Variants in ACTG2 observed in about 807,000 individuals in gnomAD.
The protein encoded by ACTG2 is actin, gamma-enteric smooth muscle.
In ACTG2, 16 loss-of-function variants were observed where a neutral mutation model predicts 37.6. That is an observed-to-expected ratio of 0.43 (90% CI 0.29 to 0.65). The LOEUF (loss-of-function observed/expected upper bound fraction) is 0.65, where lower values mean the gene tolerates loss of function less well. ACTG2 is among the 30% of genes least tolerant of loss of function. The pLI, the probability that ACTG2 is intolerant of heterozygous loss-of-function variation, is 0.18. For synonymous variants in ACTG2, 181 were observed against 179.9 expected (o/e 1.01, Z -0.05); for missense variants, 238 against 490.9 (o/e 0.48, Z 4.87).
chr2:73,908,498 GA>G, intron 3 of ACTG2, 174 bp from the exon 4 acceptor site: 1 of 649,700 alleles, frequency 1.5e-6, no homozygotes, highest in Non-Finnish European at 2.8e-6. Flanking sequence ...GCCCTGTTGA[GA>G]AGGAGTATAC....
intron 3 of ACTG2, 199 bp from the exon 4 acceptor site, chr2:73,908,474 G>A (rs140793581): frequency 5.3e-4 from 340 of 646,006 alleles, no homozygotes; most frequent in African/African-American, 5.2e-3. Flanking sequence ...TTCCAGGTCT[G>A]AGTCCTACCT....
At chr2:73,909,261 CT>C in intron 5 of ACTG2, 122 bp downstream of exon 5, 1 of 848,934 alleles carries the variant, frequency 1.2e-6, no homozygotes, top group Non-Finnish European at 1.9e-6. Context: ...CAAAATCTTT[CT>C]TAGGGATAAT....
chr2:73,903,095 T>C, intron 3 of ACTG2: 1 of 188,696 alleles, frequency 5.3e-6, no homozygotes, highest in East Asian at 1.4e-4. Flanking sequence ...CATTTTTGTT[T>C]AAGAAAATAT....
rs202066921 is a variant in ACTG2, at chr2:73,896,039, GT to G, written c.-37+2991del. 2.8e-3 allele frequency among the ~76,000 whole-genome samples: 425 copies of G among 152,132 alleles called. 2 individuals are homozygous for G. Among genetic ancestry groups the G allele is most frequent in the African/African-American group, 1.0e-2 (415 of 41,526 alleles). On this transcript the variant is annotated intron_variant, in intron 1 of 8. Transcript: ENST00000345517. ...TTCTTCTTTTGCTTTTTTCTCAACC[GT>G]TTGAAAATGTAGGGCCGGGTGCAGT...
chr2:73,895,128 G>A (rs750230637), intron 1 of ACTG2, among the ~76,000 whole-genome samples: 2 of 152,088 alleles, frequency 1.3e-5, no homozygotes, highest in Admixed American at 6.6e-5. Flanking sequence ...AGTCTGTGAG[G>A]GCAGCTCCGG....
chr2:73,902,842 C>A, intron 3 of ACTG2: 1 of 1,412,246 alleles, frequency 7.1e-7, no homozygotes, highest in South Asian at 1.4e-5. Flanking sequence ...CCTAACTCCC[C>A]GTCTTGGCAT....
chr2:73,901,166 C>T, intron 1 of ACTG2, 110 bp from the exon 2 acceptor site: 1 of 897,302 alleles, frequency 1.1e-6, no homozygotes, highest in Admixed American at 3.7e-5. Context: ...GCCTGTCCCT[C>T]CTGGAAGTGT....
At chr2:73,904,342 C>T (rs1679959871) in intron 3 of ACTG2, among the ~76,000 whole-genome samples, 1 of 148,690 alleles carries the variant, frequency 6.7e-6, no homozygotes, top group Non-Finnish European at 1.5e-5. Flanking sequence ...GTAGTGACAA[C>T]ATGTGAACTC....
chr2:73,901,971 T>A (rs1679894533), intron 2 of ACTG2, among the ~76,000 whole-genome samples: 1 of 151,312 alleles, frequency 6.6e-6, no homozygotes, highest in Non-Finnish European at 1.5e-5. Flanking sequence ...AGCAAAGATT[T>A]GGAGATCTAA....
chr2:73,913,673 C>G lies in ACTG2; in HGVS notation c.613+27C>G, dbSNP rs371971705. 2.5e-6 allele frequency: 4 copies of G among 1,585,292 alleles called. No homozygotes were observed. The African/African-American group carries it at 5.4e-5, about 21-fold the overall frequency. Reference sequence around the variant, plus strand: ...TATCCAGCCCCTTTTCTGATTCTGACTGGAGCTCAGAACCAATCTGGTTTA... The same window carrying G: ...TATCCAGCCCCTTTTCTGATTCTGAGTGGAGCTCAGAACCAATCTGGTTTA... On this transcript the variant is annotated intron_variant, in intron 6 of 8. Transcript: ENST00000345517.
chr2:73,910,075 C>T (rs1327677226), intron 5 of ACTG2, among the ~76,000 whole-genome samples: 5 of 151,966 alleles, frequency 3.3e-5, no homozygotes, highest in East Asian at 3.9e-4. Context: ...ATTAGTTGGA[C>T]GTGGTGTCAG....
intron 5 of ACTG2, among the ~76,000 whole-genome samples, chr2:73,910,943 C>T (rs1008916356): frequency 2.4e-4 from 31 of 127,016 alleles, no homozygotes; most frequent in African/African-American, 8.0e-4. Flanking sequence ...ACTTTTAGAG[C>T]TTTTTTGATA....
At chr2:73,898,893 C>G (rs373181698) in intron 1 of ACTG2, among the ~76,000 whole-genome samples, 3 of 150,498 alleles carry the variant, frequency 2.0e-5, no homozygotes, top group African/African-American at 7.3e-5. Context: ...AGCTCCGCCT[C>G]CCGGGTTCAC....
intron 5 of ACTG2, among the ~76,000 whole-genome samples, 175 bp from the exon 6 acceptor site, chr2:73,913,310 A>T (rs1558628131): frequency 6.6e-6 from 1 of 152,194 alleles, no homozygotes. Flanking sequence ...ACTGGGGGGA[A>T]AAAAGTGACA....
At position 73,901,440 on chromosome 2, in the gene ACTG2, G is replaced by A. The variant is rs1679871125; in HGVS notation, c.126+3G>A. 2 of 1,613,922 alleles carry A rather than the reference G, an allele frequency of 1.2e-6. No individual in the cohort carries two copies. The highest frequency in any genetic ancestry group is 1.7e-6 in the Non-Finnish European group (2 of 1,179,962). ...TTGTGGGCCGCCCTCGCCACCAGGT[G>A]CGTGCTCATCTGGATACCACCAGGC... On this transcript the variant is annotated splice_donor_region_variant and intron_variant, in intron 2 of 8. Transcript: ENST00000345517.
chr2:73,895,184 G>A lies in ACTG2; in HGVS notation c.-37+2133G>A, dbSNP rs554719989. ...GAGCAGTCCTGGAGGTGTGGAGTTGGGGTGCCAGGGGGGTTTTGGTGGGGG... is the reference window on the plus strand; with the variant it reads ...GAGCAGTCCTGGAGGTGTGGAGTTGAGGTGCCAGGGGGGTTTTGGTGGGGG... On this transcript the variant is annotated intron_variant, in intron 1 of 8. Transcript: ENST00000345517. 7.2e-5 allele frequency among the ~76,000 whole-genome samples: 11 copies of A among 151,926 alleles called. No homozygotes were observed. The East Asian group carries it at 1.2e-3, about 16-fold the overall frequency.
intron 6 of ACTG2, among the ~76,000 whole-genome samples, 198 bp downstream of exon 6, chr2:73,913,844 C>G (rs976950771): frequency 1.3e-5 from 2 of 152,138 alleles, no homozygotes; most frequent in African/African-American, 4.8e-5. Context: ...CCCCAGAGAC[C>G]AGCTGCCTCT....
rs1427483105 is a variant in ACTG2 at position 73,904,777 on chromosome 2, G to GTGTATATATA, written c.255+2290_255+2291insGTATATATAT. On this transcript the variant is annotated intron_variant, in intron 3 of 8. Transcript: ENST00000345517. ...TGTGTGTGTGTGTGTGTGTGTGTGT[G>GTGTATATATA]TATATATATATATATATATATATAT... is the stretch of plus-strand genomic sequence containing the variant. 6.4e-3 allele frequency among the ~76,000 whole-genome samples: 274 copies of GTGTATATATA among 42,554 alleles called. 1 individual carries two copies. Among genetic ancestry groups the GTGTATATATA allele is most frequent in the Middle Eastern group, 0.012 (1 of 86 alleles). The allele number at this position is 42,554 out of a possible 152,430, so 27.9% of individuals were successfully genotyped here.
chr2:73,893,618 C>A (rs1213163845), intron 1 of ACTG2, among the ~76,000 whole-genome samples: 1 of 152,114 alleles, frequency 6.6e-6, no homozygotes, highest in African/African-American at 2.4e-5. Flanking sequence ...GCTCTAGGAT[C>A]ATTGGGGGAT....
Sources: gnomAD v4.1 joint callset for allele counts (sites outside exome capture counted in the v4.1 genomes callset) on GRCh38, gnomAD v4.1.1 for gene constraint, MANE v1.5 for transcripts, NCBI Gene and HGNC (gene_info 2026-07-23, HGNC 2026-07-21) for gene names.